EVL: variants seen among roughly 807,000 people sequenced by gnomAD.
The protein encoded by EVL is ena/VASP-like protein.
Under a neutral mutation model 59.6 loss-of-function variants are expected in EVL, and 21 were observed. The ratio of observed to expected loss-of-function variants is 0.35; its 90% confidence interval spans 0.25 to 0.51. The LOEUF is 0.51. Ranked by LOEUF, EVL falls within the 20% of genes least tolerant of loss-of-function variation. The probability of loss-of-function intolerance (pLI) is 0.97; values close to 1 mark genes in which losing one functional copy is unlikely to be tolerated. For synonymous variants in EVL, 198 were observed against 203.5 expected (o/e 0.97, Z 0.23); for missense variants, 462 against 546.6 (o/e 0.85, Z 1.54).
intron 1 of EVL, among the ~76,000 whole-genome samples, chr14:100,016,669 G>A (rs2061053818): frequency 6.6e-6 from 1 of 152,224 alleles, no homozygotes; most frequent in African/African-American, 2.4e-5. Context: ...AGACAGGAGT[G>A]GAGTTGTCAG....
intron 1 of EVL, among the ~76,000 whole-genome samples, chr14:100,080,076 T>TC (rs2062262072): frequency 1.3e-5 from 2 of 151,746 alleles, no homozygotes; most frequent in African/African-American, 4.8e-5. Flanking sequence ...TTTTTTTTTT[T>TC]CTCTTCAGTG....
intron 1 of EVL, among the ~76,000 whole-genome samples, chr14:100,025,704 G>A (rs560490572): frequency 6.6e-6 from 1 of 152,230 alleles, no homozygotes; most frequent in South Asian, 2.1e-4. Flanking sequence ...GAGGCGGGTG[G>A]GTTACCTGAG....
At position 100,141,191 on chromosome 14, in the gene EVL, C is replaced by A; in HGVS notation, c.1106C>A (p.Ala369Asp). The change falls in exon 12 of 14, where the codon GCT becomes GAT. Residue 369 changes from alanine to aspartate, a missense_variant. Coordinates refer to ENST00000392920, the MANE Select transcript of EVL (RefSeq NM_016337.3). ...QSQPHSRMKP[A>D]GSVNDMALDA... Reference sequence around the variant, plus strand: ...CCTTTCTCTCCCAGGATGAAGCCTGCTGGGAGCGTGAATGACATGGCCCTG... The same window carrying A: ...CCTTTCTCTCCCAGGATGAAGCCTGATGGGAGCGTGAATGACATGGCCCTG... 1 of 1,613,832 alleles carries A rather than the reference C, an allele frequency of 6.2e-7. No individual in the cohort carries two copies. Among genetic ancestry groups the A allele is most frequent in the Non-Finnish European group, 8.5e-7 (1 of 1,179,938 alleles).
chr14:100,144,165 A>C lies in EVL; in HGVS notation c.*427A>C. The stretch of plus-strand genomic sequence containing the variant: ...AGGCACAGCTCCGTCCCCAGCGCTC[A>C]TGGTGTTGAAACTGTCTGTCATGCA... On this transcript the variant is annotated 3_prime_UTR_variant, in exon 14 of 14. Coordinates refer to ENST00000392920, the MANE Select transcript of EVL (RefSeq NM_016337.3). The C allele has an allele frequency of 5.0e-6, 1 of 200,796 alleles. No individual in the cohort carries two copies. Among genetic ancestry groups the C allele is most frequent in the Non-Finnish European group, 1.0e-5 (1 of 97,766 alleles). The allele number at this position is 200,796 out of a possible 1,614,324, so 12.4% of individuals were successfully genotyped here.
At chr14:100,065,573 G>A (rs986752584) in intron 1 of EVL, 62 bp downstream of exon 1, 11 of 1,031,962 alleles carry the variant, frequency 1.1e-5, no homozygotes, top group Middle Eastern at 2.2e-4. Flanking sequence ...GAATCTTAAC[G>A]GTGAATGGGC....
chr14:100,049,125 G>A (rs1001079919), intron 1 of EVL, among the ~76,000 whole-genome samples: 1 of 152,194 alleles, frequency 6.6e-6, no homozygotes, highest in Non-Finnish European at 1.5e-5. Context: ...TTTAAGTGGT[G>A]AAGTAGTTTT....
intron 1 of EVL, among the ~76,000 whole-genome samples, chr14:100,053,898 C>T (rs538053791): frequency 2.6e-5 from 4 of 152,108 alleles, no homozygotes; most frequent in Non-Finnish European, 5.9e-5. Flanking sequence ...AATCCTGCCT[C>T]AGCCTCCCAA....
intron 1 of EVL, among the ~76,000 whole-genome samples, chr14:100,032,076 G>A (rs1418137093): frequency 6.6e-6 from 1 of 152,218 alleles, no homozygotes; most frequent in Non-Finnish European, 1.5e-5. Context: ...TAAGAGAGGT[G>A]ATAAAAGAGA....
In EVL at chr14:99,972,013, G is replaced by C. The variant is rs901287112; in HGVS notation, c.-40G>C. 160 of 171,388 alleles carry C rather than the reference G, an allele frequency of 9.3e-4. No homozygotes were observed. Among genetic ancestry groups the C allele is most frequent in the Non-Finnish European group, 1.7e-3 (147 of 87,570 alleles). The allele number at this position is 171,388 out of a possible 1,614,324, so 10.6% of individuals were successfully genotyped here. A position where few individuals can be genotyped will look rare whatever the true frequency, so the allele number is the denominator to read the frequency against. Reference sequence around the variant, plus strand: ...CCCGCCGCCGCCGCCGCCGCCGCCGGGTCGCCCCTGGCCCGGCGCGCCCGT... The same window carrying C: ...CCCGCCGCCGCCGCCGCCGCCGCCGCGTCGCCCCTGGCCCGGCGCGCCCGT... On this transcript the variant is annotated 5_prime_UTR_variant, in exon 1 of 14. Transcript: ENST00000402714. The surrounding 1 kb of genome is among the most constrained non-coding windows in gnomAD (Gnocchi z 4.4).
At chr14:100,046,078 C>A (rs957241873) in intron 1 of EVL, among the ~76,000 whole-genome samples, 1 of 152,156 alleles carries the variant, frequency 6.6e-6, no homozygotes, top group African/African-American at 2.4e-5. Flanking sequence ...TTGTAGGATT[C>A]CTTTCTCTGT....
intron 3 of EVL, among the ~76,000 whole-genome samples, chr14:100,121,902 G>A (rs1402175593): frequency 6.6e-6 from 1 of 152,222 alleles, no homozygotes; most frequent in Non-Finnish European, 1.5e-5. Context: ...CCAACCCTCA[G>A]ACCAAATGCT....
chr14:100,005,940 G>A (rs531808200), intron 1 of EVL, among the ~76,000 whole-genome samples: 5 of 150,632 alleles, frequency 3.3e-5, no homozygotes, highest in South Asian at 2.1e-4. Flanking sequence ...AAAGGTGGCC[G>A]TGTGACGTAA....
At chr14:100,103,305 G>T (rs1465197601) in intron 3 of EVL, among the ~76,000 whole-genome samples, 1 of 151,690 alleles carries the variant, frequency 6.6e-6, no homozygotes, top group East Asian at 1.9e-4. Flanking sequence ...AAGGCACACA[G>T]CCAAGGACAG....
chr14:99,997,094 T>G (rs1566965064), intron 1 of EVL, among the ~76,000 whole-genome samples: 1 of 152,232 alleles, frequency 6.6e-6, no homozygotes. Flanking sequence ...CTCAGAAATT[T>G]TAGATACTCT....
chr14:100,143,970 G>A lies in EVL; in HGVS notation c.*232G>A, dbSNP rs1273278175. 1 of 541,472 alleles carries A rather than the reference G, an allele frequency of 1.8e-6. No individual in the cohort carries two copies. Among genetic ancestry groups the A allele is most frequent in the Admixed American group, 3.4e-5 (1 of 29,592 alleles). 33.5% of individuals were successfully genotyped at this position (541,472 alleles called of 1,614,324 possible). The stretch of plus-strand genomic sequence containing the variant: ...CACCAGGTCTGCTCGTCTTTTTTGT[G>A]TTTTATATTTGCTTATTTAAGGTAC... On this transcript the variant is annotated 3_prime_UTR_variant, in exon 14 of 14. Transcript: ENST00000392920.
At chr14:100,010,736 T>C (rs2061011719) in intron 1 of EVL, among the ~76,000 whole-genome samples, 1 of 152,202 alleles carries the variant, frequency 6.6e-6, no homozygotes. Context: ...GTAGTGATTT[T>C]GGTTTTGACT....
chr14:100,059,714 C>T (rs999197931), intron 1 of EVL, among the ~76,000 whole-genome samples: 1 of 151,546 alleles, frequency 6.6e-6, no homozygotes. Flanking sequence ...GGACTGTGCT[C>T]TTGAGTCAGA....
chr14:100,044,313 A>C (rs1390842976), intron 1 of EVL, among the ~76,000 whole-genome samples: 1 of 152,218 alleles, frequency 6.6e-6, no homozygotes, highest in Non-Finnish European at 1.5e-5. Flanking sequence ...CTAAGATGGG[A>C]AGGGAGATAG....
chr14:100,003,942 C>G (rs1280123164), intron 1 of EVL, among the ~76,000 whole-genome samples: 1 of 152,194 alleles, frequency 6.6e-6, no homozygotes, highest in African/African-American at 2.4e-5. Flanking sequence ...CGGTGGCTCA[C>G]ACCTATAATC....
Sources: allele counts gnomAD v4.1 joint callset (sites outside exome capture counted in the v4.1 genomes callset), GRCh38; gene constraint gnomAD v4.1.1; non-coding constraint Gnocchi (gnomAD v3.1); transcripts MANE v1.5; gene names NCBI Gene and HGNC (gene_info 2026-07-23, HGNC 2026-07-21).